NR3C2: variants seen among roughly 807,000 people sequenced by gnomAD.
The protein encoded by NR3C2 is mineralocorticoid receptor.
In NR3C2, 15 loss-of-function variants were observed where a neutral mutation model predicts 86.4. The observed-to-expected ratio is 0.17, with a 90% CI of 0.12 to 0.27. NR3C2 has a LOEUF of 0.27. NR3C2 is among the 10% of genes least tolerant of loss of function. The pLI is 1.00. For missense variants in NR3C2, 960 were observed against 1,195.6 expected (o/e 0.80, Z 2.91); for synonymous variants, 458 against 450.5 (o/e 1.02, Z -0.21).
At position 148,081,325 on chromosome 4, in the gene NR3C2, T is replaced by C; in HGVS notation, c.*19A>G. On this transcript the variant is annotated 3_prime_UTR_variant, in exon 9 of 9. Transcript: ENST00000358102. ...AACACAGGGAAACTTAAGGCAAAGT[T>C]CTTCTGGGCAGCGGGCAGTCACTTC... 1.9e-6 allele frequency: 3 copies of C among 1,614,152 alleles called. No homozygotes were observed. Among genetic ancestry groups the C allele is most frequent in the Non-Finnish European group, 2.5e-6 (3 of 1,180,032 alleles).
chr4:148,299,305 T>C (rs1742212753), intron 2 of NR3C2, among the ~76,000 whole-genome samples: 2 of 152,122 alleles, frequency 1.3e-5, no homozygotes, highest in African/African-American at 4.8e-5. Context: ...TTTCCCCTTT[T>C]TTTTCTGAGG....
intron 2 of NR3C2, among the ~76,000 whole-genome samples, chr4:148,324,915 G>T (rs550096968): frequency 6.6e-6 from 1 of 152,128 alleles, no homozygotes; most frequent in Non-Finnish European, 1.5e-5. Flanking sequence ...TAAAGACATA[G>T]CAAAATATCT....
At chr4:148,285,050 C>T (rs1741444749) in intron 2 of NR3C2, among the ~76,000 whole-genome samples, 1 of 152,156 alleles carries the variant, frequency 6.6e-6, no homozygotes, top group Admixed American at 6.5e-5. Flanking sequence ...TGGACTACAG[C>T]AACATATGGT....
intron 8 of NR3C2, among the ~76,000 whole-genome samples, chr4:148,094,567 T>C (rs1731194039): frequency 6.6e-6 from 1 of 151,684 alleles, no homozygotes; most frequent in South Asian, 2.1e-4. Flanking sequence ...TACAAAAAAT[T>C]AGCCGGGTGT....
At chr4:148,150,928 A>G (rs1734074058) in intron 6 of NR3C2, among the ~76,000 whole-genome samples, 3 of 152,208 alleles carry the variant, frequency 2.0e-5, no homozygotes, top group Admixed American at 1.3e-4. Flanking sequence ...GACAAATATT[A>G]TATGATTCCA....
At chr4:148,365,456 T>A (rs761223253) in intron 2 of NR3C2, among the ~76,000 whole-genome samples, 19 of 152,180 alleles carry the variant, frequency 1.2e-4, no homozygotes, top group Admixed American at 3.3e-4. Flanking sequence ...TTTCTTAACC[T>A]TTTTTAGTGC....
At chr4:148,136,056 C>CAAA (rs199716496) in intron 6 of NR3C2, among the ~76,000 whole-genome samples, 3,744 of 70,548 alleles carry the variant, frequency 0.053, 250 homozygotes, top group African/African-American at 0.062. Context: ...GACTCCGTCT[C>CAAA]AAAAAAAAAA....
At chr4:148,291,533 A>G (rs1011742337) in intron 2 of NR3C2, among the ~76,000 whole-genome samples, 6 of 152,146 alleles carry the variant, frequency 3.9e-5, no homozygotes, top group South Asian at 4.1e-4. Context: ...ACATTAGTCA[A>G]TGAAATCCAA....
At chr4:148,107,134 A>T (rs1168894660) in intron 8 of NR3C2, among the ~76,000 whole-genome samples, 3 of 152,216 alleles carry the variant, frequency 2.0e-5, no homozygotes, top group Admixed American at 6.5e-5. Flanking sequence ...TAATATCCAG[A>T]ATCTACAAGG....
intron 2 of NR3C2, among the ~76,000 whole-genome samples, chr4:148,280,071 T>C (rs755866082): frequency 2.0e-5 from 3 of 152,202 alleles, no homozygotes; most frequent in African/African-American, 4.8e-5. Flanking sequence ...AAATATCTTA[T>C]TTTTACCCTA....
At chr4:148,176,481 A>C (rs953973970) in intron 4 of NR3C2, among the ~76,000 whole-genome samples, 2 of 152,200 alleles carry the variant, frequency 1.3e-5, no homozygotes, top group African/African-American at 4.8e-5. Flanking sequence ...CAATGTAGTG[A>C]GGGACACAGT....
At position 148,359,336 on chromosome 4, in the gene NR3C2, T is replaced by C. The variant is rs370542719; in HGVS notation, c.1757+75768A>G. Among the ~76,000 whole-genome samples the C allele has an allele frequency of 7.2e-5, 11 of 152,318 alleles. No individual in the cohort carries two copies. The East Asian group carries it at 1.5e-3, about 21-fold the overall frequency. On this transcript the variant is annotated intron_variant, in intron 2 of 8. Transcript: ENST00000358102. ...TGTAACCTAGATGTAATTTTTAGAA[T>C]GTATCAGACCACATAGTTCTTACAT...
At chr4:148,438,242 T>C (rs544235246) in intron 1 of NR3C2, among the ~76,000 whole-genome samples, 22 of 152,058 alleles carry the variant, frequency 1.4e-4, no homozygotes, top group Non-Finnish European at 2.2e-4. Flanking sequence ...CCCTACCCAC[T>C]AGATGCCAGT....
chr4:148,312,149 T>C (rs1742933777), intron 2 of NR3C2, among the ~76,000 whole-genome samples: 1 of 152,206 alleles, frequency 6.6e-6, no homozygotes, highest in South Asian at 2.1e-4. Context: ...TTCTTAACTT[T>C]TCAGGAATTC....
intron 3 of NR3C2, among the ~76,000 whole-genome samples, chr4:148,249,611 G>C (rs1056562243): frequency 6.6e-6 from 1 of 152,124 alleles, no homozygotes; most frequent in Admixed American, 6.6e-5. Flanking sequence ...GAAGCTAAAG[G>C]CTCTAGTAAA....
intron 8 of NR3C2, among the ~76,000 whole-genome samples, chr4:148,098,629 T>C (rs529500524): frequency 3.5e-4 from 53 of 152,322 alleles, no homozygotes; most frequent in African/African-American, 1.3e-3. Flanking sequence ...TGGGAATGCC[T>C]GCAAAAGTGC....
intron 8 of NR3C2, among the ~76,000 whole-genome samples, chr4:148,092,223 C>T (rs1242695308): frequency 2.6e-5 from 4 of 152,244 alleles, no homozygotes; most frequent in Non-Finnish European, 5.9e-5. Context: ...TTTCTGGACT[C>T]TCACCTCGCA....
intron 3 of NR3C2, among the ~76,000 whole-genome samples, chr4:148,203,232 C>T (rs1736821028): frequency 6.6e-6 from 1 of 151,810 alleles, no homozygotes; most frequent in South Asian, 2.1e-4. Context: ...CGTAGAGCAC[C>T]AAACTGGCTG....
intron 5 of NR3C2, among the ~76,000 whole-genome samples, chr4:148,152,960 T>A (rs562105613): frequency 2.8e-4 from 43 of 152,296 alleles, no homozygotes; most frequent in Admixed American, 2.4e-3. Flanking sequence ...CCACAATTAA[T>A]AACACTAAAA....
Sources: allele counts gnomAD v4.1 joint callset (sites outside exome capture counted in the v4.1 genomes callset), GRCh38; gene constraint gnomAD v4.1.1; transcripts MANE v1.5; gene names NCBI Gene and HGNC (gene_info 2026-07-23, HGNC 2026-07-21).